Variants in OPRD1 observed in about 807,000 individuals in gnomAD.
OPRD1 encodes the protein opioid receptor delta 1, also known as delta-type opioid receptor.
OPRD1 carries 19 observed loss-of-function variants against 17.5 expected under a neutral mutation model. That is an observed-to-expected ratio of 1.09 (90% CI 0.76 to 1.60). The LOEUF is 1.60. Ranked by LOEUF, OPRD1 falls within the 40% of genes most tolerant of loss-of-function variation. OPRD1 has a pLI of 0.00. For synonymous variants in OPRD1, 256 were observed against 240.9 expected (o/e 1.06, Z -0.58); for missense variants, 483 against 547.2 (o/e 0.88, Z 1.17).
intron 1 of OPRD1, among the ~76,000 whole-genome samples, chr1:28,838,986 A>G (rs1413986038): frequency 6.6e-6 from 1 of 152,126 alleles, no homozygotes; most frequent in Non-Finnish European, 1.5e-5. Context: ...ATCGTGGCAC[A>G]CTACTGCCTT....
rs1034901445 is a variant in OPRD1, at chr1:28,812,196, C to A, written c.-188C>A. On this transcript the variant is annotated 5_prime_UTR_variant, in exon 1 of 3. Coordinates refer to ENST00000234961, the MANE Select transcript of OPRD1 (RefSeq NM_000911.4). ...CAGCGCTCCGGGCGAGGAGAGCGGG[C>A]GGACGCCGGGGGCTGGGCCGGTGCG... is the stretch of plus-strand genomic sequence containing the variant. 1.2e-4 allele frequency: 23 copies of A among 188,164 alleles called. No individual in the cohort carries two copies. Among genetic ancestry groups the A allele is most frequent in the African/African-American group, 5.2e-4 (22 of 42,074 alleles). The allele number at this position is 188,164 out of a possible 1,614,324, so 11.7% of individuals were successfully genotyped here.
At chr1:28,816,622 G>A (rs2088672711) in intron 1 of OPRD1, among the ~76,000 whole-genome samples, 1 of 152,158 alleles carries the variant, frequency 6.6e-6, no homozygotes. Context: ...GAGGGAATGA[G>A]GCTTCCATGA....
At chr1:28,822,309 G>A (rs905657832) in intron 1 of OPRD1, among the ~76,000 whole-genome samples, 2 of 152,120 alleles carry the variant, frequency 1.3e-5, no homozygotes, top group African/African-American at 4.8e-5. Context: ...GGTACGGGCT[G>A]CTGTGTAATG....
At chr1:28,840,240 G>C (rs1401547105) in intron 1 of OPRD1, among the ~76,000 whole-genome samples, 1 of 152,152 alleles carries the variant, frequency 6.6e-6, no homozygotes, top group African/African-American at 2.4e-5. Flanking sequence ...AGACAGACGT[G>C]ATCCCTGCCC....
At chr1:28,815,889 C>A (rs896991605) in intron 1 of OPRD1, among the ~76,000 whole-genome samples, 2 of 152,134 alleles carry the variant, frequency 1.3e-5, no homozygotes, top group Non-Finnish European at 2.9e-5. Flanking sequence ...GTGTAGTGGG[C>A]AGAGCTGTGG....
intron 1 of OPRD1, among the ~76,000 whole-genome samples, chr1:28,821,172 G>A (rs768392869): frequency 9.2e-5 from 14 of 151,644 alleles, no homozygotes; most frequent in Admixed American, 3.3e-4. Context: ...GCACAATCTC[G>A]GCTCACTGCA....
chr1:28,857,797 T>C (rs1321530973), intron 1 of OPRD1, among the ~76,000 whole-genome samples: 1 of 151,936 alleles, frequency 6.6e-6, no homozygotes, highest in African/African-American at 2.4e-5. Context: ...TTAGGATTTT[T>C]CTTTTTTGTT....
intron 2 of OPRD1, among the ~76,000 whole-genome samples, chr1:28,859,511 G>A (rs574457156): frequency 6.6e-6 from 1 of 152,226 alleles, no homozygotes; most frequent in Non-Finnish European, 1.5e-5. Context: ...AGCTGGCCAG[G>A]GGGGCATGCG....
chr1:28,858,544 C>G (rs984430464), intron 1 of OPRD1, among the ~76,000 whole-genome samples: 9 of 133,554 alleles, frequency 6.7e-5, no homozygotes, highest in African/African-American at 2.5e-4. Context: ...TGCCCCAACC[C>G]TTTTTTTTTT....
chr1:28,812,605 C>A lies in OPRD1; in HGVS notation c.222C>A (p.Ile74=). 6.6e-7 allele frequency: 1 copy of A among 1,520,960 alleles called. No homozygotes were observed. The highest frequency in any genetic ancestry group is 1.2e-5 in the South Asian group (1 of 83,176). The allele number at this position is 1,520,960 out of a possible 1,614,324, so 94.2% of individuals were successfully genotyped here. A position where few individuals can be genotyped will look rare whatever the true frequency, so the allele number is the denominator to read the frequency against. ...LLGNVLVMFG[I]VRYTKMKTAT... ...GCAACGTGCTTGTCATGTTCGGCAT[C>A]GTCCGGTGAGTCCGCTGCGGGCCGG... The change falls in exon 1 of 3, where the codon ATC becomes ATA. Residue 74 remains isoleucine, a synonymous_variant. Coordinates refer to ENST00000234961, the MANE Select transcript of OPRD1 (RefSeq NM_000911.4).
At chr1:28,852,667 C>T (rs2089015675) in intron 1 of OPRD1, among the ~76,000 whole-genome samples, 1 of 152,060 alleles carries the variant, frequency 6.6e-6, no homozygotes, top group South Asian at 2.1e-4. Flanking sequence ...GACGACATAG[C>T]ACGACCCCAT....
chr1:28,827,115 C>G (rs2088774430), intron 1 of OPRD1, among the ~76,000 whole-genome samples: 1 of 150,940 alleles, frequency 6.6e-6, no homozygotes, highest in Non-Finnish European at 1.5e-5. Flanking sequence ...GGCAACATGG[C>G]AAAACCTTGT....
intron 1 of OPRD1, among the ~76,000 whole-genome samples, chr1:28,844,540 C>T (rs1337621035): frequency 6.6e-6 from 1 of 152,154 alleles, no homozygotes; most frequent in Non-Finnish European, 1.5e-5. Flanking sequence ...ATCCACCCAC[C>T]TCAGCCTCCC....
At chr1:28,818,258 G>A (rs2088686229) in intron 1 of OPRD1, among the ~76,000 whole-genome samples, 1 of 152,174 alleles carries the variant, frequency 6.6e-6, no homozygotes, top group Non-Finnish European at 1.5e-5. Context: ...TAAAGCATTT[G>A]CTGATGCTGA....
chr1:28,814,888 C>G (rs2088661774), intron 1 of OPRD1, among the ~76,000 whole-genome samples: 1 of 152,096 alleles, frequency 6.6e-6, no homozygotes, highest in African/African-American at 2.4e-5. Flanking sequence ...ACCTTCAATC[C>G]TATGGGACAG....
intron 1 of OPRD1, among the ~76,000 whole-genome samples, chr1:28,813,616 A>G (rs1263754963): frequency 6.6e-6 from 1 of 152,184 alleles, no homozygotes; most frequent in Non-Finnish European, 1.5e-5. Flanking sequence ...CAGCCCCACA[A>G]GCTCAGACAT....
rs370180812 is a variant in OPRD1, at chr1:28,862,969, G to T, written c.805G>T (p.Ala269Ser). The T allele has an allele frequency of 1.1e-4, 182 of 1,611,416 alleles. No individual in the cohort carries two copies. The highest frequency in any genetic ancestry group is 1.3e-4 in the Non-Finnish European group (156 of 1,179,198). The change falls in exon 3 of 3, where the codon GCC becomes TCC. Residue 269 changes from alanine (A) to serine (S), a missense_variant. Transcript: ENST00000234961. The stretch of plus-strand genomic sequence containing the variant: ...GCGCATGGTGCTGGTGGTTGTGGGC[G>T]CCTTCGTGGTGTGTTGGGCGCCCAT... ...ITRMVLVVVG[A>S]FVVCWAPIHI...
chr1:28,847,418 C>T (rs1474738364), intron 1 of OPRD1, among the ~76,000 whole-genome samples: 1 of 152,136 alleles, frequency 6.6e-6, no homozygotes, highest in Admixed American at 6.6e-5. Context: ...AGGTCCAGCC[C>T]AAATTGACAT....
intron 1 of OPRD1, among the ~76,000 whole-genome samples, chr1:28,839,861 C>T (rs897792025): frequency 6.6e-6 from 1 of 152,104 alleles, no homozygotes; most frequent in Non-Finnish European, 1.5e-5. Context: ...CCAGGGTGAG[C>T]ATGGGAGAAG....
Sources: allele counts gnomAD v4.1 joint callset (sites outside exome capture counted in the v4.1 genomes callset), GRCh38; gene constraint gnomAD v4.1.1; transcripts MANE v1.5; gene names NCBI Gene and HGNC (gene_info 2026-07-23, HGNC 2026-07-21).